Variants in CYP1A1 observed in about 807,000 individuals in gnomAD.
CYP1A1 encodes the protein cytochrome P450 1A1.
CYP1A1 carries 43 observed loss-of-function variants against 33.6 expected under a neutral mutation model. The ratio of observed to expected loss-of-function variants is 1.28; its 90% CI spans 1.00 to 1.65. The LOEUF (loss-of-function observed/expected upper bound fraction) is 1.65, where lower values mean the gene tolerates loss of function less well. CYP1A1 is among the 40% of genes most tolerant of loss of function. The pLI is 0.00. For missense variants in CYP1A1, 637 were observed against 653.7 expected, an observed-to-expected ratio of 0.97 and a Z score of 0.28; for synonymous variants, 280 against 257.8, an observed-to-expected ratio of 1.09 and a Z score of -0.83.
At position 74,725,507 on chromosome 15, in the gene CYP1A1, G is replaced by A. The variant is rs1271388559; in HGVS notation, c.-96C>T. 1 of 152,176 alleles carries A rather than the reference G, an allele frequency of 6.6e-6. No individual in the cohort carries two copies. Among genetic ancestry groups the A allele is most frequent in the East Asian group, 1.9e-4 (1 of 5,184 alleles). The allele number at this position is 152,176 out of a possible 1,614,324, so 9.4% of individuals were successfully genotyped here. ...CCTGGGATCACAAGGATCAGGGAAG[G>A]TTCCAAGGAACTGTCACCTTCAGGG... On this transcript the variant is annotated 5_prime_UTR_variant, in exon 1 of 7. Transcript: ENST00000379727.
chr15:74,723,028 A>G lies in CYP1A1; in HGVS notation c.70T>C (p.Trp24Arg), dbSNP rs774097027. The G allele has an allele frequency of 1.9e-6, 3 of 1,613,086 alleles. No homozygotes were observed. Among genetic ancestry groups the G allele is most frequent in the Non-Finnish European group, 2.5e-6 (3 of 1,179,368 alleles). ...LASVIFCLVF[W>R]VIRASRPQVP... ...TGAGGTCTTGAGGCCCTGATTACCC[A>G]GAATACCAGACAGAAGATGACAGAG... Residue 24 changes from tryptophan to arginine, a missense_variant, in exon 2 of 7, where the codon TGG (tryptophan) becomes CGG (arginine). Physicochemically the swap from Trp to Arg is moderately radical, Grantham distance 101. Transcript: ENST00000379727.
Position 74,721,938 on chromosome 15 carries a change from G to C in CYP1A1, c.826-221C>G. The C allele has an allele frequency of 4.9e-6, 3 of 609,666 alleles. 1 individual carries two copies. In the South Asian group the frequency reaches 6.2e-5, roughly 13 times the overall value. The allele number at this position is 609,666 out of a possible 1,614,324, so 37.8% of individuals were successfully genotyped here. ...CATTTGACACACAGCGTCTTGTACT[G>C]TTATCATCTGGATGTGCTCTTTATC... is the stretch of plus-strand genomic sequence containing the variant. On this transcript the variant is annotated intron_variant, in intron 2 of 6. Coordinates refer to ENST00000379727, the MANE Select transcript of CYP1A1 (RefSeq NM_001319217.2).
rs754354567 is a variant in CYP1A1 at position 74,720,528 on chromosome 15, A to G, written c.1500T>C (p.His500=). 4.4e-6 allele frequency: 7 copies of G among 1,598,106 alleles called. No homozygotes were observed. The highest frequency in any genetic ancestry group is 1.7e-4 in the Middle Eastern group (1 of 6,006). Residue 500 remains histidine, a synonymous_variant, in exon 7 of 7, where the codon CAT becomes CAC. Transcript: ENST00000379727. The stretch of plus-strand genomic sequence containing the variant: ...GCATTTGGAAGTGCTCACAGCAGGC[A>G]TGCTTCATGGTTAGCCCATAGATGG... ...MTPIYGLTMK[H]ACCEHFQMQL...
intron 3 of CYP1A1, 27 bp downstream of exon 3, chr15:74,721,564 A>G (rs2063170550): frequency 4.3e-6 from 7 of 1,614,092 alleles, no homozygotes; most frequent in Admixed American, 1.7e-5. Context: ...ACTTGAGCAC[A>G]GGAAGGACAC....
At position 74,720,333 on chromosome 15, in the gene CYP1A1, TC is replaced by T; in HGVS notation, c.*155del. The T allele has an allele frequency of 1.3e-6, 1 of 753,392 alleles. No individual in the cohort carries two copies. The allele number at this position is 753,392 out of a possible 1,614,324, so 46.7% of individuals were successfully genotyped here. ...AAGTCCAGGGTAGGGGCAGGCAGGA[TC>T]CCTTAGGCTTGCCCACAGCCCAGAT... On this transcript the variant is annotated 3_prime_UTR_variant, in exon 7 of 7. Transcript: ENST00000379727.
chr15:74,723,135 A>T lies in CYP1A1; in HGVS notation c.-29-9T>A, dbSNP rs1208656432. 7 of 1,461,866 alleles carry T rather than the reference A, an allele frequency of 4.8e-6. No individual in the cohort carries two copies. The highest frequency in any genetic ancestry group is 5.5e-6 in the Non-Finnish European group (6 of 1,092,090). The allele number at this position is 1,461,866 out of a possible 1,614,324, so 90.6% of individuals were successfully genotyped here. ...GATCTTGGAGGTGGCTGCTGAGAGA[A>T]GGTGCAGGAAGAAAAAAAGTCAAGC... On this transcript the variant is annotated splice_polypyrimidine_tract_variant and intron_variant, in intron 1 of 6. Coordinates refer to ENST00000379727, the MANE Select transcript of CYP1A1 (RefSeq NM_001319217.2).
In CYP1A1 at chr15:74,723,004, G is replaced by T; in HGVS notation, c.94C>A (p.Gln32Lys). ...VFWVIRASRPQVPKGLKNPPG... is the reference protein window; with the variant it reads ...VFWVIRASRPKVPKGLKNPPG... The stretch of plus-strand genomic sequence containing the variant: ...GGATTCTTCAGGCCTTTGGGGACCT[G>T]AGGTCTTGAGGCCCTGATTACCCAG... The change falls in exon 2 of 7, where the codon CAG (glutamine) becomes AAG (lysine). Residue 32 changes from glutamine (Q) to lysine (K), a missense_variant. Coordinates refer to ENST00000379727, the MANE Select transcript of CYP1A1 (RefSeq NM_001319217.2). 6.2e-7 allele frequency: 1 copy of T among 1,613,944 alleles called. No individual in the cohort carries two copies. The highest frequency in any genetic ancestry group is 8.5e-7 in the Non-Finnish European group (1 of 1,179,860).
In CYP1A1 at chr15:74,720,698, T is replaced by G; in HGVS notation, c.1330A>C (p.Ser444Arg). Residue 444 changes from serine (S) to arginine (R), a missense_variant, in exon 7 of 7, where the codon AGT becomes CGT. Ser to Arg is a moderately radical substitution (Grantham distance 110). Coordinates refer to ENST00000379727, the MANE Select transcript of CYP1A1 (RefSeq NM_001319217.2). ...TPDGAIDKVL[S>R]EKVIIFGMGK... ...ATGCCAAAGATAATCACCTTCTCAC[T>G]TAACACCTTGTCGATAGCACCATCA... The G allele has an allele frequency of 6.2e-7, 1 of 1,614,178 alleles. No homozygotes were observed. Among genetic ancestry groups the G allele is most frequent in the Non-Finnish European group, 8.5e-7 (1 of 1,180,026 alleles).
In CYP1A1 at chr15:74,720,644, T is replaced by G. The variant is rs1048943; in HGVS notation, c.1384A>C (p.Ile462Leu). Reference sequence around the variant, plus strand: ...AAGAGAAAGACCTCCCAGCGGGCAATGGTCTCACCGATACACTTCCGCTTG... The same window carrying G: ...AAGAGAAAGACCTCCCAGCGGGCAAGGGTCTCACCGATACACTTCCGCTTG... Reference protein sequence around the residue: ...MGKRKCIGETIARWEVFLFLA... With the variant: ...MGKRKCIGETLARWEVFLFLA... The change falls in exon 7 of 7, where the codon ATT becomes CTT. Residue 462 changes from isoleucine to leucine, a missense_variant. By Grantham distance (5) the Ile-to-Leu change is conservative. Transcript: ENST00000379727. 6.2e-7 allele frequency: 1 copy of G among 1,614,060 alleles called. No homozygotes were observed. The highest frequency in any genetic ancestry group is 8.5e-7 in the Non-Finnish European group (1 of 1,179,990).
At position 74,720,575 on chromosome 15, in the gene CYP1A1, C is replaced by G. The variant is rs1335138887; in HGVS notation, c.1453G>C (p.Gly485Arg). 1.9e-6 allele frequency: 3 copies of G among 1,613,378 alleles called. No individual in the cohort carries two copies. The African/African-American group carries it at 4.0e-5, about 22-fold the overall frequency. ...ATGGGGGTCATGTCCACCTTCACGC[C>G]CAGTGGCACGCTGAATTCCACCCGT... ...LQRVEFSVPL[G>R]VKVDMTPIYG... is the part of the protein sequence containing the mutation. The change falls in exon 7 of 7, where the codon GGC becomes CGC. Residue 485 changes from glycine to arginine, a missense_variant. By Grantham distance (125) the Gly-to-Arg change is moderately radical (BLOSUM62 -2). Transcript: ENST00000379727.
intron 1 of CYP1A1, among the ~76,000 whole-genome samples, chr15:74,724,866 G>A (rs1322352460): frequency 6.6e-6 from 1 of 152,126 alleles, no homozygotes; most frequent in African/African-American, 2.4e-5. Context: ...GGACAAAGAA[G>A]ATGGTCAATG....
rs748723967 is a variant in CYP1A1, at chr15:74,722,530, C to T, written c.568G>A (p.Val190Met). 31 of 1,614,064 alleles carry T rather than the reference C, an allele frequency of 1.9e-5. No homozygotes were observed. Among genetic ancestry groups the T allele is most frequent in the Non-Finnish European group, 2.5e-5 (30 of 1,180,058 alleles). The change falls in exon 2 of 7, where the codon GTG becomes ATG. Residue 190 changes from valine to methionine, a missense_variant. Physicochemically the swap from Val to Met is conservative, Grantham distance 21 (BLOSUM62 1). Coordinates refer to ENST00000379727, the MANE Select transcript of CYP1A1 (RefSeq NM_001319217.2). ...GPGHFNPYRY[V>M]VVSVTNVICA... ...ATGACATTGGTCACTGATACCACCACATACCTGTAGGGGTTAAAGTGCCCA... is the reference window on the plus strand; with the variant it reads ...ATGACATTGGTCACTGATACCACCATATACCTGTAGGGGTTAAAGTGCCCA...
intron 2 of CYP1A1, 132 bp from the exon 3 acceptor site, chr15:74,721,849 T>C (rs1171549951): frequency 2.6e-6 from 3 of 1,163,678 alleles, no homozygotes; most frequent in Non-Finnish European, 3.6e-6. Context: ...TGTCCCAGCT[T>C]CTCTCTGCCT....
chr15:74,724,829 C>T (rs1394149690), intron 1 of CYP1A1, among the ~76,000 whole-genome samples: 1 of 151,992 alleles, frequency 6.6e-6, no homozygotes, highest in African/African-American at 2.4e-5. Context: ...AGTTGGCAAT[C>T]TGTCACCCTG....
chr15:74,721,194 C>A lies in CYP1A1; in HGVS notation c.1166+5G>T. ...ACAGACAGCAGTGGCTCCATGGGGC[C>A]TTACCTGTGGGGGATGGTGAAGGGG... On this transcript the variant is annotated splice_donor_5th_base_variant and intron_variant, in intron 5 of 6. Coordinates refer to ENST00000379727, the MANE Select transcript of CYP1A1 (RefSeq NM_001319217.2). 6.2e-7 allele frequency: 1 copy of A among 1,611,142 alleles called. No homozygotes were observed. Among genetic ancestry groups the A allele is most frequent in the Non-Finnish European group, 8.5e-7 (1 of 1,178,488 alleles).
In CYP1A1 at chr15:74,720,612, A is replaced by G; in HGVS notation, c.1416T>C (p.Ala472=). The G allele has an allele frequency of 6.2e-7, 1 of 1,614,200 alleles. No individual in the cohort carries two copies. Among genetic ancestry groups the G allele is most frequent in the Non-Finnish European group, 8.5e-7 (1 of 1,180,026 alleles). The change falls in exon 7 of 7, where the codon GCT becomes GCC. Residue 472 remains alanine (A), a synonymous_variant. Transcript: ENST00000379727. ...TGAATTCCACCCGTTGCAGCAGGAT[A>G]GCCAGGAAGAGAAAGACCTCCCAGC... ...IARWEVFLFL[A]ILLQRVEFSV... is the part of the protein sequence containing the mutation.
Position 74,721,719 on chromosome 15 carries a change from T to A in CYP1A1, c.826-2A>T. ...GTCTGTGATGTCCCGGATGTGGCCCTTAGGTAGGGAAAGTCCACAGGTGAG... is the reference window on the plus strand; with the variant it reads ...GTCTGTGATGTCCCGGATGTGGCCCATAGGTAGGGAAAGTCCACAGGTGAG... On this transcript the variant is annotated splice_acceptor_variant, in intron 2 of 6. Transcript: ENST00000379727. LOFTEE classifies it high-confidence loss of function. The A allele has an allele frequency of 6.2e-7, 1 of 1,613,736 alleles. No homozygotes were observed. Among genetic ancestry groups the A allele is most frequent in the South Asian group, 1.1e-5 (1 of 91,028 alleles).
At chr15:74,723,616 T>C (rs554825354) in intron 1 of CYP1A1, among the ~76,000 whole-genome samples, 1 of 152,188 alleles carries the variant, frequency 6.6e-6, no homozygotes, top group South Asian at 2.1e-4. Context: ...GTTTGATTTT[T>C]CCCCTAACAC....
At position 74,722,341 on chromosome 15, in the gene CYP1A1, C is replaced by T; in HGVS notation, c.757G>A (p.Asp253Asn). ...LPNPSLNAFK[D>N]LNEKFYSFMQ... ...AAGCTGTAGAACTTCTCATTCAGGTCCTTGAAGGCATTCAGGGAAGGGTTG... is the reference window on the plus strand; with the variant it reads ...AAGCTGTAGAACTTCTCATTCAGGTTCTTGAAGGCATTCAGGGAAGGGTTG... Residue 253 changes from aspartate (D) to asparagine (N), a missense_variant, in exon 2 of 7, where the codon GAC becomes AAC. By Grantham distance (23) the Asp-to-Asn change is conservative. Transcript: ENST00000379727. The T allele has an allele frequency of 6.2e-7, 1 of 1,614,050 alleles. No individual in the cohort carries two copies. Among genetic ancestry groups the T allele is most frequent in the Non-Finnish European group, 8.5e-7 (1 of 1,180,028 alleles).
Sources: gnomAD v4.1 joint callset for allele counts (sites outside exome capture counted in the v4.1 genomes callset) on GRCh38, gnomAD v4.1.1 for gene constraint, MANE v1.5 for transcripts, NCBI Gene and HGNC (gene_info 2026-07-23, HGNC 2026-07-21) for gene names.